Variants in DNMT3A observed in about 807,000 individuals in gnomAD.
DNMT3A encodes the protein DNA (cytosine-5)-methyltransferase 3A.
Under a neutral mutation model 117.6 loss-of-function variants are expected in DNMT3A, and 267 were observed. That is an observed-to-expected ratio of 2.27 (90% confidence interval 2.05 to 2.51). DNMT3A has a LOEUF of 2.51. DNMT3A is among the 30% of genes most tolerant of loss of function. The pLI is 0.00. For synonymous variants in DNMT3A, 432 were observed against 474.8 expected (o/e 0.91, Z 1.17); for missense variants, 1,029 against 1,260.2 (o/e 0.82, Z 2.78).
intron 1 of DNMT3A, among the ~76,000 whole-genome samples, chr2:25,319,434 G>C (rs755954279): frequency 5.9e-5 from 9 of 152,198 alleles, no homozygotes; most frequent in Non-Finnish European, 1.3e-4. Context: ...ACAGGCGTAA[G>C]CCACCGTGCT....
Position 25,306,384 on chromosome 2 carries a change from G to A in DNMT3A, c.73-6141C>T, listed in dbSNP as rs923356981. On this transcript the variant is annotated intron_variant, in intron 2 of 22. Transcript: ENST00000321117. This position sits in a 1 kb window ranked among gnomAD's most constrained non-coding sequence, Gnocchi z 4.1. ...TTATTTCAATTATTCAACAATATCC[G>A]ACAAGTAACCATTGACTGCTTAGGT... Among the ~76,000 whole-genome samples, 1 of 152,090 alleles carries A rather than the reference G, an allele frequency of 6.6e-6. No homozygotes were observed. Among genetic ancestry groups the A allele is most frequent in the African/African-American group, 2.4e-5 (1 of 41,396 alleles).
In DNMT3A at chr2:25,300,240, C is replaced by T. The variant is rs781524740; in HGVS notation, c.76G>A (p.Gly26Arg). Residue 26 changes from glycine (G) to arginine (R), a missense_variant, in exon 3 of 23, where the codon GGA (glycine) becomes AGA (arginine). Transcript: ENST00000321117. ...CCACGCGGCTCCTCCTGCTCCTCTC[C>T]GTCCTGCAGGCACAGACACAGCCTG... Reference protein sequence around the residue: ...AAEREEDRKDGEEQEEPRGKE... With the variant: ...AAEREEDRKDREEQEEPRGKE... 24 of 1,606,044 alleles carry T rather than the reference C, an allele frequency of 1.5e-5. No homozygotes were observed. In the African/African-American group the frequency reaches 1.9e-4, roughly 13 times the overall value.
rs1673493806 is a variant in DNMT3A at position 25,237,440 on chromosome 2, T to C, written c.2409-435A>G. ...GGGTGTGTCCACTGGATGAAATTAA[T>C]CAAACCGCAAGCCTTAAATGTACTG... On this transcript the variant is annotated intron_variant, in intron 20 of 22. Coordinates refer to ENST00000321117, the MANE Select transcript of DNMT3A (RefSeq NM_022552.5). This position sits in a 1 kb window ranked among gnomAD's most constrained non-coding sequence, Gnocchi z 5.4. Among the ~76,000 whole-genome samples the C allele has an allele frequency of 6.6e-6, 1 of 152,184 alleles. No homozygotes were observed. The highest frequency in any genetic ancestry group is 6.5e-5 in the Admixed American group (1 of 15,268).
chr2:25,245,914 C>T, intron 12 of DNMT3A, 106 bp downstream of exon 12: 1 of 1,383,820 alleles, frequency 7.2e-7, no homozygotes, highest in South Asian at 1.2e-5. Flanking sequence ...GTGTGACACG[C>T]AGGACGTGGC....
chr2:25,234,345 C>G lies in DNMT3A; in HGVS notation c.2673G>C (p.Arg891=). 1.2e-6 allele frequency: 2 copies of G among 1,614,176 alleles called. No individual in the cohort carries two copies. Among genetic ancestry groups the G allele is most frequent in the Non-Finnish European group, 1.7e-6 (2 of 1,180,024 alleles). ...SRLARQRLLG[R]SWSVPVIRHL... ...GGCGGATGACTGGCACGCTCCATGA[C>G]CGGCCCAGCAGTCTCTGCCTCGCCA... The change falls in exon 23 of 23, where the codon CGG becomes CGC. Residue 891 remains arginine, a synonymous_variant. Coordinates refer to ENST00000321117, the MANE Select transcript of DNMT3A (RefSeq NM_022552.5). The surrounding 1 kb of genome is among the most constrained non-coding windows in gnomAD (Gnocchi z 4.5).
In DNMT3A at chr2:25,252,503, G is replaced by C. The variant is rs982841286; in HGVS notation, c.640-4251C>G. On this transcript the variant is annotated intron_variant, in intron 6 of 22. Coordinates refer to ENST00000321117, the MANE Select transcript of DNMT3A (RefSeq NM_022552.5). The surrounding 1 kb of genome is among the most constrained non-coding windows in gnomAD (Gnocchi z 5.5). ...CGGTCCGAGGGGCGCGGGGCCGGGG[G>C]GCGAGGCCGTTCCCCGCCCGTTCCC... is the stretch of plus-strand genomic sequence containing the variant. 6.6e-6 allele frequency among the ~76,000 whole-genome samples: 1 copy of C among 152,104 alleles called. No individual in the cohort carries two copies. Among genetic ancestry groups the C allele is most frequent in the Non-Finnish European group, 1.5e-5 (1 of 67,964 alleles).
intron 6 of DNMT3A, among the ~76,000 whole-genome samples, chr2:25,271,224 G>C (rs572090824): frequency 6.6e-6 from 1 of 152,094 alleles, no homozygotes; most frequent in Admixed American, 6.6e-5. Flanking sequence ...GCAGGTGCCT[G>C]TGATCCCAGC....
chr2:25,245,715 G>A (rs1674673058), intron 12 of DNMT3A, among the ~76,000 whole-genome samples: 1 of 152,242 alleles, frequency 6.6e-6, no homozygotes, highest in South Asian at 2.1e-4. Flanking sequence ...ACAGCCCCAG[G>A]ATGAGAGAGG....
intron 1 of DNMT3A, among the ~76,000 whole-genome samples, chr2:25,336,225 T>G (rs1167877749): frequency 6.6e-6 from 1 of 152,218 alleles, no homozygotes; most frequent in Non-Finnish European, 1.5e-5. Flanking sequence ...GTGGCTCGGT[T>G]CTGCCCAGCG....
Position 25,252,615 on chromosome 2 carries a change from CGGGGCCGG to C in DNMT3A, c.640-4371_640-4364del, listed in dbSNP as rs1267004389. On this transcript the variant is annotated intron_variant, in intron 6 of 22. Transcript: ENST00000321117. The surrounding 1 kb of genome is among the most constrained non-coding windows in gnomAD (Gnocchi z 5.5). ...CCCCCAGCTCTGGAAGAGATTAGCGCGGGGCCGGGGGGCCGGGAGGGGAGGGAAGGGGC... is the reference window on the plus strand; with the variant it reads ...CCCCCAGCTCTGGAAGAGATTAGCGCGGGGCCGGGAGGGGAGGGAAGGGGC... Among the ~76,000 whole-genome samples, 1 of 147,416 alleles carries C rather than the reference CGGGGCCGG, an allele frequency of 6.8e-6. No homozygotes were observed. Among genetic ancestry groups the C allele is most frequent in the African/African-American group, 2.5e-5 (1 of 39,808 alleles).
chr2:25,251,368 C>A (rs2149322814), intron 6 of DNMT3A, among the ~76,000 whole-genome samples: 1 of 151,536 alleles, frequency 6.6e-6, no homozygotes, highest in African/African-American at 2.4e-5. Flanking sequence ...TGCTCACCCC[C>A]AGGGGGGCGG....
chr2:25,277,874 A>T (rs2031559128), intron 4 of DNMT3A, among the ~76,000 whole-genome samples: 1 of 150,692 alleles, frequency 6.6e-6, no homozygotes, highest in Admixed American at 6.6e-5. Flanking sequence ...TCTCAATGTG[A>T]CCCCCTTCCT....
At chr2:25,329,051 G>A (rs186942676) in intron 1 of DNMT3A, among the ~76,000 whole-genome samples, 1 of 152,330 alleles carries the variant, frequency 6.6e-6, no homozygotes, top group Admixed American at 6.5e-5. Context: ...GGCTGTTGGA[G>A]CTCGTCCCCC....
At chr2:25,295,403 G>A (rs935756244) in intron 3 of DNMT3A, among the ~76,000 whole-genome samples, 11 of 152,244 alleles carry the variant, frequency 7.2e-5, no homozygotes, top group African/African-American at 2.4e-4. Flanking sequence ...TCTCTGGCCA[G>A]TGCTGCAGAC....
intron 3 of DNMT3A, among the ~76,000 whole-genome samples, chr2:25,295,239 G>A (rs866372935): frequency 6.6e-6 from 1 of 152,168 alleles, no homozygotes; most frequent in African/African-American, 2.4e-5. Flanking sequence ...CCCACACACG[G>A]GCTCAGCTCC....
In DNMT3A at chr2:25,298,155, G is replaced by A. The variant is rs560252007; in HGVS notation, c.177+1984C>T. ...GGAACCTGAGGTTCAGGCAGCAGCA[G>A]TTCAAGGTTACACAGGTGGTCAGTG... On this transcript the variant is annotated intron_variant, in intron 3 of 22. Transcript: ENST00000321117. The surrounding 1 kb of genome is among the most constrained non-coding windows in gnomAD (Gnocchi z 4.3). 6.6e-6 allele frequency among the ~76,000 whole-genome samples: 1 copy of A among 152,364 alleles called. No individual in the cohort carries two copies. The highest frequency in any genetic ancestry group is 6.5e-5 in the Admixed American group (1 of 15,308).
intron 1 of DNMT3A, among the ~76,000 whole-genome samples, chr2:25,320,430 A>G (rs2034546133): frequency 6.6e-6 from 1 of 152,230 alleles, no homozygotes; most frequent in Non-Finnish European, 1.5e-5. Context: ...TCCTGTTTTG[A>G]TCATTACACA....
At chr2:25,342,316 G>T (rs1390643916), upstream of DNMT3A, 1 of 150,634 alleles carries the variant, frequency 6.6e-6, no homozygotes, top group Non-Finnish European at 1.5e-5. This position sits in a 1 kb window ranked among gnomAD's most constrained non-coding sequence, Gnocchi z 5.9. Context: ...CCAGACCGGG[G>T]GCCGGGCCCC....
At chr2:25,312,088 G>A (rs779915021) in intron 2 of DNMT3A, among the ~76,000 whole-genome samples, 1 of 152,186 alleles carries the variant, frequency 6.6e-6, no homozygotes, top group East Asian at 1.9e-4. Flanking sequence ...ATGGGGAGCT[G>A]CGTCAGCAAC....
Sources: gnomAD v4.1 joint callset for allele counts (sites outside exome capture counted in the v4.1 genomes callset) on GRCh38, gnomAD v4.1.1 for gene constraint, Gnocchi (gnomAD v3.1) non-coding constraint, MANE v1.5 for transcripts, NCBI Gene and HGNC (gene_info 2026-07-23, HGNC 2026-07-21) for gene names.